Variants in LY86 observed in about 807,000 individuals in gnomAD.
The protein encoded by LY86 is MD-1, RP105-associated.
In LY86, 20 loss-of-function variants were observed where a neutral mutation model predicts 17.3. The ratio of observed to expected loss-of-function variants is 1.15; its 90% confidence interval spans 0.81 to 1.68. The LOEUF is 1.68. LY86 is among the 40% of genes most tolerant of loss of function. The pLI is 0.00. For synonymous variants in LY86, 74 were observed against 70.6 expected, an observed-to-expected ratio of 1.05 and a Z score of -0.24; for missense variants, 200 against 191.9, an observed-to-expected ratio of 1.04 and a Z score of -0.25.
At chr6:6,610,564 T>C (rs1761307024) in intron 1 of LY86, among the ~76,000 whole-genome samples, 1 of 152,140 alleles carries the variant, frequency 6.6e-6, no homozygotes. Flanking sequence ...AGGTGAGTGC[T>C]AGCTGATGCC....
intron 4 of LY86, among the ~76,000 whole-genome samples, chr6:6,649,900 G>T (rs192101505): frequency 8.3e-4 from 126 of 152,274 alleles, no homozygotes; most frequent in African/African-American, 2.9e-3. Context: ...TGTCATTTTG[G>T]CATTTAATAT....
chr6:6,644,586 A>C (rs937565802), intron 3 of LY86, among the ~76,000 whole-genome samples: 1 of 152,014 alleles, frequency 6.6e-6, no homozygotes, highest in Admixed American at 6.6e-5. Context: ...TTTTATTTCC[A>C]CAATTTAAAA....
At chr6:6,618,130 C>T (rs1438026448) in intron 1 of LY86, among the ~76,000 whole-genome samples, 3 of 152,190 alleles carry the variant, frequency 2.0e-5, no homozygotes, top group Non-Finnish European at 2.9e-5. Flanking sequence ...CCTGAGCCAC[C>T]GCGCCTGGCT....
chr6:6,606,340 T>G (rs1325131176), intron 1 of LY86, among the ~76,000 whole-genome samples: 1 of 152,122 alleles, frequency 6.6e-6, no homozygotes, highest in Non-Finnish European at 1.5e-5. Context: ...ATTGGTGTAT[T>G]TACAATCCCT....
intron 3 of LY86, among the ~76,000 whole-genome samples, chr6:6,639,884 A>G (rs1272562703): frequency 6.6e-6 from 1 of 152,192 alleles, no homozygotes; most frequent in Non-Finnish European, 1.5e-5. Flanking sequence ...TGCCATGTGA[A>G]AAGGCCCAAA....
chr6:6,620,123 C>T (rs916043484), intron 1 of LY86, among the ~76,000 whole-genome samples: 1 of 151,984 alleles, frequency 6.6e-6, no homozygotes, highest in Non-Finnish European at 1.5e-5. Flanking sequence ...ATGTAAAAAA[C>T]AGGCACATAC....
chr6:6,592,539 G>A (rs1760561347), intron 1 of LY86, among the ~76,000 whole-genome samples: 1 of 152,210 alleles, frequency 6.6e-6, no homozygotes, highest in African/African-American at 2.4e-5. Flanking sequence ...GGAAGCATAA[G>A]GGAAAGTGCT....
At chr6:6,613,112 C>T (rs1390378720) in intron 1 of LY86, among the ~76,000 whole-genome samples, 1 of 152,096 alleles carries the variant, frequency 6.6e-6, no homozygotes, top group South Asian at 2.1e-4. Flanking sequence ...ATTCACAAAC[C>T]CTGAGCTAGA....
intron 3 of LY86, among the ~76,000 whole-genome samples, 200 bp downstream of exon 3, chr6:6,626,621 G>A (rs1761793824): frequency 6.6e-6 from 1 of 152,180 alleles, no homozygotes; most frequent in Non-Finnish European, 1.5e-5. Flanking sequence ...GGGCTGTTGT[G>A]AATATCAAAA....
intron 1 of LY86, among the ~76,000 whole-genome samples, chr6:6,603,110 C>A (rs560340549): frequency 6.6e-6 from 1 of 152,228 alleles, no homozygotes; most frequent in East Asian, 1.9e-4. Context: ...GCAGAAAGGG[C>A]AAACAAGCTC....
intron 3 of LY86, among the ~76,000 whole-genome samples, chr6:6,646,035 A>G (rs1226486870): frequency 6.6e-6 from 1 of 152,012 alleles, no homozygotes; most frequent in Non-Finnish European, 1.5e-5. Context: ...CAAAAACGAA[A>G]TCATGTTCCA....
chr6:6,602,794 A>C (rs2113093036), intron 1 of LY86, among the ~76,000 whole-genome samples: 1 of 151,896 alleles, frequency 6.6e-6, no homozygotes, highest in East Asian at 1.9e-4. Flanking sequence ...GTAGGCATTA[A>C]CTCTCAGCAC....
At chr6:6,634,557 C>T (rs1199310374) in intron 3 of LY86, among the ~76,000 whole-genome samples, 4 of 152,198 alleles carry the variant, frequency 2.6e-5, no homozygotes, top group African/African-American at 4.8e-5. Context: ...GGTGTAACCA[C>T]GGTGGGTGCT....
intron 3 of LY86, among the ~76,000 whole-genome samples, chr6:6,632,997 C>T (rs574551416): frequency 2.0e-5 from 3 of 152,196 alleles, no homozygotes; most frequent in Admixed American, 6.5e-5. Flanking sequence ...ATTTATCAAG[C>T]GTTCAACACA....
At chr6:6,596,664 A>G (rs1760723376) in intron 1 of LY86, among the ~76,000 whole-genome samples, 1 of 152,182 alleles carries the variant, frequency 6.6e-6, no homozygotes, top group African/African-American at 2.4e-5. Flanking sequence ...GTTGATAAAG[A>G]AACACAAGAA....
chr6:6,643,677 C>T (rs1185383191), intron 3 of LY86, among the ~76,000 whole-genome samples: 3 of 151,820 alleles, frequency 2.0e-5, no homozygotes, highest in Non-Finnish European at 2.9e-5. Flanking sequence ...CACATGCACG[C>T]ACACAAGCAT....
At chr6:6,642,876 C>G (rs1278151657) in intron 3 of LY86, among the ~76,000 whole-genome samples, 1 of 152,242 alleles carries the variant, frequency 6.6e-6, no homozygotes, top group Non-Finnish European at 1.5e-5. Flanking sequence ...TCCTCCTCCT[C>G]CGGAGACGAT....
chr6:6,621,206 G>C (rs1333459137), intron 1 of LY86: 1 of 152,194 alleles, frequency 6.6e-6, no homozygotes, highest in African/African-American at 2.4e-5. Flanking sequence ...TGAAGTATCT[G>C]GAGGAAACAC....
At chr6:6,601,792 G>A (rs142418590) in intron 1 of LY86, among the ~76,000 whole-genome samples, 183 of 152,284 alleles carry the variant, frequency 1.2e-3, no homozygotes, top group African/African-American at 4.2e-3. Flanking sequence ...CATCTAAAGA[G>A]GGAAACTGCT....
Sources: allele counts gnomAD v4.1 joint callset (sites outside exome capture counted in the v4.1 genomes callset), GRCh38; gene constraint gnomAD v4.1.1; transcripts MANE v1.5; gene names NCBI Gene and HGNC (gene_info 2026-07-23, HGNC 2026-07-21).